Variants in CACNA1S observed in about 807,000 individuals in gnomAD.
CACNA1S encodes voltage-dependent L-type calcium channel subunit alpha-1S.
Under a neutral mutation model 207.4 loss-of-function variants are expected in CACNA1S, and 126 were observed. The observed-to-expected ratio is 0.61, with a 90% CI of 0.53 to 0.70. CACNA1S has a LOEUF of 0.70. Among genes scored for constraint, CACNA1S ranks in the 30% least tolerant of loss-of-function variants. The probability of loss-of-function intolerance (pLI) is 0.00; values close to 1 mark genes in which losing one functional copy is unlikely to be tolerated. For missense variants in CACNA1S, 2,349 were observed against 2,422.8 expected, an observed-to-expected ratio of 0.97 and a Z score of 0.64; for synonymous variants, 960 against 932.7, an observed-to-expected ratio of 1.03 and a Z score of -0.53.
Position 201,085,513 on chromosome 1 carries a change from T to G in CACNA1S, c.1073A>C (p.Gln358Pro), listed in dbSNP as rs767680310. 6.2e-7 allele frequency: 1 copy of G among 1,613,292 alleles called. No homozygotes were observed. The highest frequency in any genetic ancestry group is 8.5e-7 in the Non-Finnish European group (1 of 1,179,896). The change falls in exon 8 of 44, where the codon CAA (glutamine) becomes CCA (proline). Residue 358 changes from glutamine (Q) to proline (P), a missense_variant. Gln to Pro is a moderately conservative substitution (Grantham distance 76, BLOSUM62 -1). Transcript: ENST00000362061. Reference sequence around the variant, plus strand: ...GTAGCCCCGAAGGTCCTCATCTAGTTGCTGCTTCTCCCGGAGCTTCTGGAA... The same window carrying G: ...GTAGCCCCGAAGGTCCTCATCTAGTGGCTGCTTCTCCCGGAGCTTCTGGAA... ...GTFQKLREKQ[Q>P]LDEDLRGYMS...
intron 35 of CACNA1S, 119 bp downstream of exon 35, chr1:201,048,883 TG>T (rs1249980138): frequency 1.1e-6 from 1 of 898,398 alleles, no homozygotes; most frequent in Non-Finnish European, 1.8e-6. Context: ...GGGAGGAACT[TG>T]GGGACCCAGG....
chr1:201,061,978 G>A lies in CACNA1S; in HGVS notation c.3019C>T (p.Leu1007Phe). The A allele has an allele frequency of 6.2e-7, 1 of 1,614,216 alleles. No individual in the cohort carries two copies. The highest frequency in any genetic ancestry group is 8.5e-7 in the Non-Finnish European group (1 of 1,180,034). The change falls in exon 24 of 44, where the codon CTC becomes TTC. Residue 1007 changes from leucine (L) to phenylalanine (F), a missense_variant. Transcript: ENST00000362061. ...FDNVLSAMMS[L>F]FTVSTFEGWP... ...CCCTCGAAGGTGGAGACCGTGAAGA[G>A]GGACATCATGGCTGAGAGCACATTG...
intron 23 of CACNA1S, 94 bp downstream of exon 23, chr1:201,062,368 G>C: frequency 7.8e-7 from 1 of 1,288,588 alleles, no homozygotes; most frequent in Non-Finnish European, 1.1e-6. Flanking sequence ...CCTGCCCCGT[G>C]ACCGTAACCC....
chr1:201,096,951 T>C (rs992703058), intron 2 of CACNA1S, among the ~76,000 whole-genome samples: 19 of 152,188 alleles, frequency 1.2e-4, no homozygotes, highest in African/African-American at 4.6e-4. Flanking sequence ...TCACACTCAG[T>C]ATGTTTGAAA....
At chr1:201,082,312 C>A (rs1253940563) in intron 10 of CACNA1S, among the ~76,000 whole-genome samples, 1 of 149,328 alleles carries the variant, frequency 6.7e-6, no homozygotes, top group East Asian at 2.1e-4. Context: ...CAGGCGTGAG[C>A]CACCGCGCCC....
At position 201,102,609 on chromosome 1, in the gene CACNA1S, A is replaced by G. The variant is rs10449266; in HGVS notation, c.258+7555T>C. Among the ~76,000 whole-genome samples the G allele has an allele frequency of 4.1e-3, 621 of 152,280 alleles. 12 individuals are homozygous for G. Among genetic ancestry groups the G allele is most frequent in the African/African-American group, 0.014 (588 of 41,574 alleles). On this transcript the variant is annotated intron_variant, in intron 2 of 43. Transcript: ENST00000362061. ...CCCAGTCTGTGCGGAGCAGTCCATC[A>G]TCATCCTCCCTAGCTTCGGACGACA...
chr1:201,044,462 G>A lies in CACNA1S; in HGVS notation c.4669-6C>T, dbSNP rs755360943. ...TCAATGGTCCGCAGCCCTGCCTGGGGATGACGAAGGGACTCAGTTATCTCT... is the reference window on the plus strand; with the variant it reads ...TCAATGGTCCGCAGCCCTGCCTGGGAATGACGAAGGGACTCAGTTATCTCT... On this transcript the variant is annotated splice_polypyrimidine_tract_variant and splice_region_variant and intron_variant, in intron 38 of 43. Coordinates refer to ENST00000362061, the MANE Select transcript of CACNA1S (RefSeq NM_000069.3). 3.4e-5 allele frequency: 54 copies of A among 1,611,612 alleles called. No homozygotes were observed. The South Asian group carries it at 5.5e-4, about 16-fold the overall frequency.
chr1:201,066,710 T>A lies in CACNA1S; in HGVS notation c.2657+177A>T, dbSNP rs1392745888. Reference sequence around the variant, plus strand: ...AACAGAGCGCTGCCCACTTCACTGGTGGCAACCCACATTCCAGCTGGTGAC... The same window carrying A: ...AACAGAGCGCTGCCCACTTCACTGGAGGCAACCCACATTCCAGCTGGTGAC... On this transcript the variant is annotated intron_variant, in intron 20 of 43. Coordinates refer to ENST00000362061, the MANE Select transcript of CACNA1S (RefSeq NM_000069.3). The surrounding 1 kb of genome is among the most constrained non-coding windows in gnomAD (Gnocchi z 4.3). 6.6e-6 allele frequency among the ~76,000 whole-genome samples: 1 copy of A among 152,154 alleles called. No individual in the cohort carries two copies. The highest frequency in any genetic ancestry group is 1.5e-5 in the Non-Finnish European group (1 of 68,012).
At chr1:201,074,794 G>A (rs547162532) in intron 13 of CACNA1S, among the ~76,000 whole-genome samples, 174 bp from the exon 14 acceptor site, 3 of 152,344 alleles carry the variant, frequency 2.0e-5, no homozygotes, top group Admixed American at 1.3e-4. Context: ...TGCCTGCTGA[G>A]AGTACCCAGG....
intron 2 of CACNA1S, among the ~76,000 whole-genome samples, chr1:201,102,036 G>T (rs1004139982): frequency 6.6e-6 from 1 of 152,240 alleles, no homozygotes; most frequent in Non-Finnish European, 1.5e-5. Context: ...TGGCCTGGGA[G>T]TAAACTCTAG....
intron 38 of CACNA1S, among the ~76,000 whole-genome samples, chr1:201,046,036 A>G (rs1175314623): frequency 6.6e-6 from 1 of 152,194 alleles, no homozygotes; most frequent in Non-Finnish European, 1.5e-5. Context: ...GCTCAAATGC[A>G]TGTGTATTTG....
chr1:201,062,041 G>T lies in CACNA1S; in HGVS notation c.2956C>A (p.Arg986Ser). Residue 986 changes from arginine (R) to serine (S), a missense_variant, in exon 24 of 44, where the codon CGT (arginine) becomes AGT (serine). Arg to Ser is a moderately radical substitution (Grantham distance 110). Coordinates refer to ENST00000362061, the MANE Select transcript of CACNA1S (RefSeq NM_000069.3). ...KDGDPMQIEL[R>S]HREWVHSDFH... ...TCGCTGTGTACCCACTCGCGGTGACGCAGCTCTATCTGCATGGGGTCCCCG... is the reference window on the plus strand; with the variant it reads ...TCGCTGTGTACCCACTCGCGGTGACTCAGCTCTATCTGCATGGGGTCCCCG... 1 of 1,614,120 alleles carries T rather than the reference G, an allele frequency of 6.2e-7. No homozygotes were observed. The highest frequency in any genetic ancestry group is 1.1e-5 in the South Asian group (1 of 91,074).
chr1:201,101,723 C>CT (rs1254725304), intron 2 of CACNA1S, among the ~76,000 whole-genome samples: 1 of 152,228 alleles, frequency 6.6e-6, no homozygotes, highest in Non-Finnish European at 1.5e-5. Flanking sequence ...TCTGGGCAGG[C>CT]TGCTGCCTTG....
intron 23 of CACNA1S, 63 bp from the exon 24 acceptor site, chr1:201,062,153 C>A (rs1661074179): frequency 9.5e-6 from 15 of 1,580,666 alleles, no homozygotes; most frequent in Non-Finnish European, 1.1e-5. Flanking sequence ...CCACCCACAT[C>A]CTCTGGGCCC....
In CACNA1S at chr1:201,093,986, C is replaced by A. The variant is rs201012916; in HGVS notation, c.294G>T (p.Ser98=). The change falls in exon 3 of 44, where the codon TCG becomes TCT. Residue 98 remains serine (S), a synonymous_variant. Transcript: ENST00000362061. The part of the protein sequence containing the change: ...KLEYFFLIVF[S]IEAAMKIIAY... ...CAATGATCTTCATGGCGGCTTCAAT[C>A]GAGAAGACAATGAGGAAGAAATACT... The A allele has an allele frequency of 1.2e-6, 2 of 1,614,196 alleles. No individual in the cohort carries two copies. Among genetic ancestry groups the A allele is most frequent in the Non-Finnish European group, 1.7e-6 (2 of 1,180,046 alleles).
At chr1:201,065,255 GT>G (rs1322240447) in intron 22 of CACNA1S, among the ~76,000 whole-genome samples, 2 of 152,224 alleles carry the variant, frequency 1.3e-5, no homozygotes, top group Non-Finnish European at 2.9e-5. Flanking sequence ...AATGTGTTGT[GT>G]TGCTTGTGTA....
chr1:201,083,348 TAC>T (rs1191640652), intron 9 of CACNA1S, 26 bp from the exon 10 acceptor site: 1 of 1,613,230 alleles, frequency 6.2e-7, no homozygotes, highest in Non-Finnish European at 8.5e-7. Flanking sequence ...GAGGATGGTC[TAC>T]AGTGCTGTGC....
chr1:201,083,508 G>A (rs907283234), intron 9 of CACNA1S, among the ~76,000 whole-genome samples, 186 bp from the exon 10 acceptor site: 1 of 152,190 alleles, frequency 6.6e-6, no homozygotes, highest in Non-Finnish European at 1.5e-5. Flanking sequence ...TTTCACAGAA[G>A]AGCGATAATG....
intron 10 of CACNA1S, among the ~76,000 whole-genome samples, chr1:201,080,588 A>G (rs929293762): frequency 3.4e-4 from 51 of 151,918 alleles, no homozygotes; most frequent in Middle Eastern, 3.4e-3. Context: ...TTTTCTATTT[A>G]TTTTCCTTCT....
Sources: gnomAD v4.1 joint callset for allele counts (sites outside exome capture counted in the v4.1 genomes callset) on GRCh38, gnomAD v4.1.1 for gene constraint, Gnocchi (gnomAD v3.1) non-coding constraint, MANE v1.5 for transcripts, NCBI Gene and HGNC (gene_info 2026-07-23, HGNC 2026-07-21) for gene names.